Variants in PPARGC1A observed in about 807,000 individuals in gnomAD.
PPARGC1A encodes the protein PPARG coactivator 1 alpha, also known as peroxisome proliferator-activated receptor gamma coactivator 1-alpha.
A neutral mutation model predicts 88.7 loss-of-function variants in PPARGC1A; 25 were observed. That is an observed-to-expected ratio of 0.28 (90% CI 0.21 to 0.39). The LOEUF is 0.39. Ranked by LOEUF, PPARGC1A falls within the 10% of genes least tolerant of loss-of-function variation. PPARGC1A has a pLI of 1.00. For synonymous variants in PPARGC1A, 363 were observed against 355.6 expected (o/e 1.02, Z -0.24); for missense variants, 880 against 968.7 (o/e 0.91, Z 1.22).
At chr4:24,228,033 G>A in the PPARGC1A span, among the ~76,000 whole-genome samples, 18 of 152,132 alleles carry the variant, frequency 1.2e-4, no homozygotes, top group African/African-American at 1.9e-4. Flanking sequence ...CTGAGCCTGC[G>A]CAGCTCAGCT....
At chr4:24,181,590 C>T in the PPARGC1A span, among the ~76,000 whole-genome samples, 5 of 152,100 alleles carry the variant, frequency 3.3e-5, no homozygotes, top group African/African-American at 9.7e-5. Context: ...CACATGTTTG[C>T]CAGTTCCTTC....
chr4:24,247,496 G>A, the PPARGC1A span, among the ~76,000 whole-genome samples: 1 of 152,042 alleles, frequency 6.6e-6, no homozygotes, highest in Non-Finnish European at 1.5e-5. Context: ...TGATGATAGA[G>A]TAAAGAGAAT....
chr4:24,378,106 G>A, the PPARGC1A span, among the ~76,000 whole-genome samples: 2 of 152,296 alleles, frequency 1.3e-5, no homozygotes, highest in Non-Finnish European at 1.5e-5. Flanking sequence ...GGAGGCTGAG[G>A]TGGGTAGATC....
At chr4:23,892,553 T>TC (rs1458695613), upstream of PPARGC1A, among the ~76,000 whole-genome samples, 3 of 151,874 alleles carry the variant, frequency 2.0e-5, no homozygotes, top group Admixed American at 1.3e-4. Context: ...AGTTTTTTTT[T>TC]TTTTCTTTTC....
At chr4:23,807,983 C>G (rs1164225977) in intron 10 of PPARGC1A, among the ~76,000 whole-genome samples, 1 of 151,844 alleles carries the variant, frequency 6.6e-6, no homozygotes, top group Non-Finnish European at 1.5e-5. Flanking sequence ...TTCATTTTCT[C>G]CAAAAAAGAA....
the PPARGC1A span, among the ~76,000 whole-genome samples, chr4:24,062,406 C>T: frequency 2.6e-5 from 4 of 152,148 alleles, no homozygotes; most frequent in African/African-American, 9.7e-5. Context: ...GTGAAATGTG[C>T]CAACCTCATC....
At chr4:23,874,878 G>A (rs961077587) in intron 2 of PPARGC1A, among the ~76,000 whole-genome samples, 5 of 152,094 alleles carry the variant, frequency 3.3e-5, no homozygotes, top group Non-Finnish European at 7.3e-5. Context: ...GCTTCCACAA[G>A]GACAAATTTG....
the PPARGC1A span, among the ~76,000 whole-genome samples, chr4:24,012,636 C>T: frequency 6.6e-6 from 1 of 152,122 alleles, no homozygotes; most frequent in African/African-American, 2.4e-5. Flanking sequence ...CTAAGCCCTT[C>T]CTTGTCCCCA....
upstream of PPARGC1A, among the ~76,000 whole-genome samples, chr4:23,906,932 T>A (rs17576640): frequency 6.6e-6 from 1 of 151,988 alleles, no homozygotes; most frequent in Admixed American, 6.6e-5. Flanking sequence ...ACTAAATTTA[T>A]TTCCAAAACT....
the PPARGC1A span, among the ~76,000 whole-genome samples, chr4:24,289,932 G>T: frequency 1.3e-5 from 2 of 152,100 alleles, no homozygotes; most frequent in South Asian, 2.1e-4. Flanking sequence ...CCACATGGCT[G>T]GGGGGGCCTC....
the PPARGC1A span, among the ~76,000 whole-genome samples, chr4:24,066,339 A>C: frequency 1.3e-5 from 2 of 152,168 alleles, no homozygotes; most frequent in African/African-American, 4.8e-5. Flanking sequence ...TGAGAAAAAC[A>C]ACAATGACAA....
At chr4:23,948,630 T>C in the PPARGC1A span, among the ~76,000 whole-genome samples, 1 of 152,184 alleles carries the variant, frequency 6.6e-6, no homozygotes, top group African/African-American at 2.4e-5. Flanking sequence ...GCGAGCTCAT[T>C]GTCCTTGCCT....
the PPARGC1A span, among the ~76,000 whole-genome samples, chr4:24,224,580 T>C: frequency 2.0e-5 from 3 of 152,338 alleles, no homozygotes; most frequent in East Asian, 5.8e-4. Context: ...GAGCATGTCT[T>C]ATACGGCAGG....
the PPARGC1A span, among the ~76,000 whole-genome samples, chr4:24,218,292 C>T: frequency 6.6e-6 from 1 of 152,166 alleles, no homozygotes; most frequent in South Asian, 2.1e-4. Context: ...GATAAAAGAG[C>T]TAGGCAAGAC....
the PPARGC1A span, among the ~76,000 whole-genome samples, chr4:24,459,583 A>G: frequency 6.6e-6 from 1 of 152,144 alleles, no homozygotes; most frequent in Non-Finnish European, 1.5e-5. Context: ...TGAGCTCAGG[A>G]GTTCGAGACC....
chr4:23,929,852 G>A, the PPARGC1A span, among the ~76,000 whole-genome samples: 11 of 152,050 alleles, frequency 7.2e-5, no homozygotes, highest in African/African-American at 2.4e-4. Context: ...CATTCATTGC[G>A]CCCTAGGCTA....
At chr4:23,881,570 C>A (rs996035500) in intron 2 of PPARGC1A, among the ~76,000 whole-genome samples, 1 of 152,160 alleles carries the variant, frequency 6.6e-6, no homozygotes, top group African/African-American at 2.4e-5. Context: ...TAAGACTCTG[C>A]CACTCTATTA....
Position 23,813,090 on chromosome 4 carries a change from T to C in PPARGC1A, c.1829A>G (p.His610Arg), listed in dbSNP as rs202052414. ...CYYYESSHYRHRTHRNSPLYV... is the reference protein window; with the variant it reads ...CYYYESSHYRRRTHRNSPLYV... ...CAAGGGAGAATTTCGGTGCGTGCGG[T>C]GTCTGTAGTGGCTTGACTCATAGTA... The change falls in exon 9 of 13, where the codon CAC becomes CGC. Residue 610 changes from histidine to arginine, a missense_variant. Transcript: ENST00000264867. 19 of 1,613,990 alleles carry C rather than the reference T, an allele frequency of 1.2e-5. No individual in the cohort carries two copies. Among genetic ancestry groups the C allele is most frequent in the Non-Finnish European group, 1.5e-5 (18 of 1,179,948 alleles).
chr4:23,827,867 G>A (rs1164540015), intron 5 of PPARGC1A, among the ~76,000 whole-genome samples: 2 of 151,996 alleles, frequency 1.3e-5, no homozygotes, highest in Non-Finnish European at 2.9e-5. Context: ...GGAGAAAGCA[G>A]GAGGTGAAGG....
Sources: allele counts gnomAD v4.1 joint callset (sites outside exome capture counted in the v4.1 genomes callset), GRCh38; gene constraint gnomAD v4.1.1; transcripts MANE v1.5; gene names NCBI Gene and HGNC (gene_info 2026-07-23, HGNC 2026-07-21).